Variants in SLC16A12 observed in about 807,000 individuals in gnomAD.
SLC16A12 encodes monocarboxylate transporter 12.
In SLC16A12, 17 loss-of-function variants were observed where a neutral mutation model predicts 42.4. The ratio of observed to expected loss-of-function variants is 0.40; its 90% confidence interval spans 0.27 to 0.60. The LOEUF is 0.60. Among genes scored for constraint, SLC16A12 ranks in the 20% least tolerant of loss-of-function variants. The pLI, the probability that SLC16A12 is intolerant of heterozygous loss-of-function variation, is 0.42. For synonymous variants in SLC16A12, 224 were observed against 229.4 expected, an observed-to-expected ratio of 0.98 and a Z score of 0.21; for missense variants, 544 against 623.0, an observed-to-expected ratio of 0.87 and a Z score of 1.35.
chr10:89,514,131 C>T (rs1843207713), intron 2 of SLC16A12, among the ~76,000 whole-genome samples: 1 of 152,166 alleles, frequency 6.6e-6, no homozygotes, highest in Non-Finnish European at 1.5e-5. Flanking sequence ...CTGAAATTCA[C>T]ATTTCTGACA....
intron 2 of SLC16A12, among the ~76,000 whole-genome samples, chr10:89,554,997 C>T (rs1843801030): frequency 6.6e-6 from 1 of 152,116 alleles, no homozygotes; most frequent in African/African-American, 2.4e-5. Flanking sequence ...CACTGGTTGT[C>T]CATACCTAAC....
At chr10:89,515,168 G>A (rs1843229849) in intron 2 of SLC16A12, among the ~76,000 whole-genome samples, 1 of 151,724 alleles carries the variant, frequency 6.6e-6, no homozygotes, top group Admixed American at 6.6e-5. Flanking sequence ...TTAGGTACTG[G>A]GGAGCAATTT....
chr10:89,536,788 T>C (rs1479645891), upstream of SLC16A12, among the ~76,000 whole-genome samples: 3 of 152,170 alleles, frequency 2.0e-5, no homozygotes, highest in African/African-American at 7.2e-5. Flanking sequence ...GATTCCCTGG[T>C]GATTTCGCTG....
At chr10:89,538,145 G>A (rs1843692545), upstream of SLC16A12, among the ~76,000 whole-genome samples, 1 of 152,258 alleles carries the variant, frequency 6.6e-6, no homozygotes, top group African/African-American at 2.4e-5. Context: ...CACTGAGGCT[G>A]GAGGATTGGG....
intron 2 of SLC16A12, among the ~76,000 whole-genome samples, chr10:89,526,807 G>T (rs1189899665): frequency 6.6e-6 from 1 of 151,550 alleles, no homozygotes. Flanking sequence ...GGTGCTCCCT[G>T]ATACTCCCAG....
At chr10:89,436,906 AAG>A (rs1491152573) in intron 6 of SLC16A12, among the ~76,000 whole-genome samples, 497 of 149,812 alleles carry the variant, frequency 3.3e-3, no homozygotes, top group South Asian at 1.0e-2. Flanking sequence ...GAAAGAAAGA[AAG>A]AAAGAAAAAG....
intron 2 of SLC16A12, among the ~76,000 whole-genome samples, chr10:89,513,251 T>C (rs118058156): frequency 6.6e-5 from 10 of 152,330 alleles, no homozygotes; most frequent in Non-Finnish European, 1.5e-4. Flanking sequence ...TATACTTATG[T>C]TAATAAATGT....
At chr10:89,490,074 C>T (rs1319008043) in intron 2 of SLC16A12, among the ~76,000 whole-genome samples, 1 of 152,130 alleles carries the variant, frequency 6.6e-6, no homozygotes, top group Non-Finnish European at 1.5e-5. Context: ...TATAGTGACT[C>T]AAGGTATGAA....
At chr10:89,456,681 T>C (rs1053058966) in intron 3 of SLC16A12, among the ~76,000 whole-genome samples, 2 of 152,116 alleles carry the variant, frequency 1.3e-5, no homozygotes, top group Non-Finnish European at 2.9e-5. Flanking sequence ...TAGCTATTTT[T>C]CCTGATGCTC....
chr10:89,434,491 A>C (rs1211038166), intron 7 of SLC16A12, among the ~76,000 whole-genome samples: 1 of 152,234 alleles, frequency 6.6e-6, no homozygotes, highest in Non-Finnish European at 1.5e-5. Flanking sequence ...TGGAGCATTA[A>C]ACATAAAGAT....
At position 89,541,580 on chromosome 10, in the gene SLC16A12, C is replaced by T. The variant is rs554321737; in HGVS notation, c.-47+14302G>A. On this transcript the variant is annotated intron_variant, in intron 2 of 2. Coordinates refer to the SLC16A12 transcript ENST00000475682. Reference sequence around the variant, plus strand: ...CCAGCTTGGGCGACAGAACTAGACCCAGTCTCTAAAAATAGAAAATAACAA... The same window carrying T: ...CCAGCTTGGGCGACAGAACTAGACCTAGTCTCTAAAAATAGAAAATAACAA... 3.3e-5 allele frequency among the ~76,000 whole-genome samples: 5 copies of T among 152,290 alleles called. No homozygotes were observed. In the South Asian group the frequency reaches 1.0e-3, roughly 32 times the overall value.
At chr10:89,509,211 T>C (rs541245262) in intron 2 of SLC16A12, among the ~76,000 whole-genome samples, 3 of 152,062 alleles carry the variant, frequency 2.0e-5, no homozygotes, top group Non-Finnish European at 4.4e-5. Flanking sequence ...TTCCAATCAA[T>C]AGAAAAAGAG....
At chr10:89,495,182 G>A (rs1003812976) in intron 2 of SLC16A12, among the ~76,000 whole-genome samples, 13 of 151,872 alleles carry the variant, frequency 8.6e-5, no homozygotes, top group South Asian at 4.1e-4. Context: ...GTGAAACCCC[G>A]TCTCTACTAA....
intron 2 of SLC16A12, among the ~76,000 whole-genome samples, chr10:89,553,364 T>C (rs1461633112): frequency 6.6e-6 from 1 of 152,158 alleles, no homozygotes; most frequent in East Asian, 1.9e-4. Context: ...ACAATCAACA[T>C]TTTGCACATT....
In SLC16A12 at chr10:89,447,366, T is replaced by A. The variant is rs1349502100; in HGVS notation, c.201-3507A>T. 2.0e-5 allele frequency among the ~76,000 whole-genome samples: 3 copies of A among 152,188 alleles called. No individual in the cohort carries two copies. The East Asian group carries it at 5.8e-4, about 29-fold the overall frequency. On this transcript the variant is annotated intron_variant, in intron 3 of 7. Coordinates refer to ENST00000371790, the MANE Select transcript of SLC16A12 (RefSeq NM_213606.4). ...CACCACATAGTTGGAAGTAAACCACTCCTTAGCAAATGTAAAAGAACAGAA... is the reference window on the plus strand; with the variant it reads ...CACCACATAGTTGGAAGTAAACCACACCTTAGCAAATGTAAAAGAACAGAA...
chr10:89,479,223 C>T (rs1209701844), intron 2 of SLC16A12, among the ~76,000 whole-genome samples: 1 of 152,182 alleles, frequency 6.6e-6, no homozygotes, highest in African/African-American at 2.4e-5. Context: ...TCTTCTCCTT[C>T]TCCTCACTTT....
rs185337408 is a variant in SLC16A12, at chr10:89,470,380, G to A, written c.-46-7756C>T. On this transcript the variant is annotated intron_variant, in intron 2 of 7. Transcript: ENST00000371790. ...TTCCCTTTAACCTAGGTAGCTGAGG[G>A]GGAAGTGCCAAGAAGGAGGCCTGTG... 2.7e-3 allele frequency among the ~76,000 whole-genome samples: 410 copies of A among 152,342 alleles called. 1 individual carries two copies. The highest frequency in any genetic ancestry group is 4.3e-3 in the Non-Finnish European group (295 of 68,028).
upstream of SLC16A12, among the ~76,000 whole-genome samples, chr10:89,537,240 C>T (rs527560862): frequency 5.4e-5 from 8 of 148,008 alleles, no homozygotes; most frequent in East Asian, 8.1e-4. Context: ...TGCTGTGGTG[C>T]GATCATAGCT....
chr10:89,498,296 C>T (rs1397471458), intron 2 of SLC16A12, among the ~76,000 whole-genome samples: 2 of 152,112 alleles, frequency 1.3e-5, no homozygotes, highest in Admixed American at 1.3e-4. Flanking sequence ...CATGCCACTG[C>T]ACTCCAGCCT....
Sources: allele counts gnomAD v4.1 joint callset (sites outside exome capture counted in the v4.1 genomes callset), GRCh38; gene constraint gnomAD v4.1.1; transcripts MANE v1.5; gene names NCBI Gene and HGNC (gene_info 2026-07-23, HGNC 2026-07-21).